Variants in KMT2B observed in about 807,000 individuals in gnomAD.
KMT2B encodes lysine methyltransferase 2B.
KMT2B carries 22 observed loss-of-function variants against 255.3 expected under a neutral mutation model. The ratio of observed to expected loss-of-function variants is 0.09; its 90% CI spans 0.06 to 0.12. The LOEUF (loss-of-function observed/expected upper bound fraction) is 0.12. Ranked by LOEUF, KMT2B falls within the 10% of genes least tolerant of loss-of-function variation. KMT2B has a pLI of 1.00. For missense variants in KMT2B, 3,149 were observed against 3,737.0 expected, an observed-to-expected ratio of 0.84 and a Z score of 4.10; for synonymous variants, 1,730 against 1,498.1, an observed-to-expected ratio of 1.15 and a Z score of -3.57.
rs139199642 is a variant in KMT2B at position 35,722,951 on chromosome 19, G to A, written c.2723-44G>A. On this transcript the variant is annotated intron_variant, in intron 5 of 36. Coordinates refer to ENST00000420124, the MANE Select transcript of KMT2B (RefSeq NM_014727.3). ...AGCAGGGAAGTGAGGTAGAAGCCTG[G>A]TGGCTTTGTGGCTCCATCCCCTCCT... is the stretch of plus-strand genomic sequence containing the variant. The A allele has an allele frequency of 7.2e-5, 107 of 1,492,642 alleles. No homozygotes were observed. The African/African-American group carries it at 1.4e-3, about 20-fold the overall frequency. 92.5% of individuals were successfully genotyped at this position (1,492,642 alleles called of 1,614,324 possible). A position where few individuals can be genotyped will look rare whatever the true frequency, so the allele number is the denominator to read the frequency against.
chr19:35,729,371 A>C (rs1339700431), intron 22 of KMT2B, 75 bp downstream of exon 22: 3 of 1,513,534 alleles, frequency 2.0e-6, no homozygotes, highest in Non-Finnish European at 1.8e-6. Flanking sequence ...AACAGCTCTT[A>C]CTTCACATTC....
chr19:35,724,156 G>A (rs1430381137), intron 8 of KMT2B, 149 bp downstream of exon 8: 2 of 731,774 alleles, frequency 2.7e-6, no homozygotes, highest in Admixed American at 2.9e-5. Flanking sequence ...TTAGGTGGAT[G>A]TACAGAACTG....
chr19:35,727,550 G>A lies in KMT2B; in HGVS notation c.4230G>A (p.Gln1410=), dbSNP rs1705863122. ...GAGAGGCCCTGAGCGGGGCCCTCCA[G>A]GGGGGCCTGCGCCAGGTGCTCCAGG... ...RWREALSGAL[Q]GGLRQVLQGL... Residue 1410 remains glutamine, a synonymous_variant, in exon 16 of 37, where the codon CAG becomes CAA. Coordinates refer to ENST00000420124, the MANE Select transcript of KMT2B (RefSeq NM_014727.3). This position sits in a 1 kb window ranked among gnomAD's most constrained non-coding sequence, Gnocchi z 4.2. 1 of 1,607,048 alleles carries A rather than the reference G, an allele frequency of 6.2e-7. No individual in the cohort carries two copies. The highest frequency in any genetic ancestry group is 8.5e-7 in the Non-Finnish European group (1 of 1,178,722).
Position 35,727,102 on chromosome 19 carries a change from CAG to C in KMT2B, c.4004-53_4004-52del. ...CTGCTAATCCTTGAACAGAGACACT[CAG>C]GGCTGAGTGGGAACTCCAGCACCTC... On this transcript the variant is annotated intron_variant, in intron 14 of 36. Coordinates refer to ENST00000420124, the MANE Select transcript of KMT2B (RefSeq NM_014727.3). This position sits in a 1 kb window ranked among gnomAD's most constrained non-coding sequence, Gnocchi z 4.2. 7.7e-7 allele frequency: 1 copy of C among 1,299,060 alleles called. No individual in the cohort carries two copies. Among genetic ancestry groups the C allele is most frequent in the Non-Finnish European group, 1.1e-6 (1 of 917,750 alleles). 80.5% of individuals were successfully genotyped at this position (1,299,060 alleles called of 1,614,324 possible).
rs376699252 is a variant in KMT2B, at chr19:35,730,428, G to A, written c.5163G>A (p.Thr1721=). Residue 1721 remains threonine, a synonymous_variant, in exon 24 of 37, where the codon ACG becomes ACA. Coordinates refer to ENST00000420124, the MANE Select transcript of KMT2B (RefSeq NM_014727.3). ...TCAACTTCAAGCGGAAGTTCTTGAC[G>A]GGGCTTGAACCCGATGCCATCAACG... ...EGINFKRKFL[T]GLEPDAINVL... 15 of 1,613,684 alleles carry A rather than the reference G, an allele frequency of 9.3e-6. No homozygotes were observed. Among genetic ancestry groups the A allele is most frequent in the South Asian group, 5.5e-5 (5 of 91,088 alleles).
At position 35,732,140 on chromosome 19, in the gene KMT2B, G is replaced by A; in HGVS notation, c.5665+5G>A. ...TTGGCCCCCTGCCCTCCCCTGGTGA[G>A]CACCGGGCATGTGGGGGTTGGGGGT... is the stretch of plus-strand genomic sequence containing the variant. On this transcript the variant is annotated splice_donor_5th_base_variant and intron_variant, in intron 27 of 36. Coordinates refer to ENST00000420124, the MANE Select transcript of KMT2B (RefSeq NM_014727.3). 1 of 1,583,834 alleles carries A rather than the reference G, an allele frequency of 6.3e-7. No homozygotes were observed. The highest frequency in any genetic ancestry group is 1.1e-5 in the South Asian group (1 of 87,472).
rs779531835 is a variant in KMT2B at position 35,725,450 on chromosome 19, C to G, written c.3643-29C>G. 1 of 1,607,710 alleles carries G rather than the reference C, an allele frequency of 6.2e-7. No individual in the cohort carries two copies. Among genetic ancestry groups the G allele is most frequent in the Admixed American group, 1.7e-5 (1 of 59,994 alleles). ...TGGCCCTCTGGCCTCATGCTATGCC[C>G]ATCATTCACTCCTTTACCCTGTCCC... On this transcript the variant is annotated intron_variant, in intron 11 of 36. Coordinates refer to ENST00000420124, the MANE Select transcript of KMT2B (RefSeq NM_014727.3). This position sits in a 1 kb window ranked among gnomAD's most constrained non-coding sequence, Gnocchi z 4.1.
In KMT2B at chr19:35,725,330, C is replaced by G; in HGVS notation, c.3639C>G (p.His1213Gln). 6.4e-7 allele frequency: 1 copy of G among 1,563,202 alleles called. No individual in the cohort carries two copies. The highest frequency in any genetic ancestry group is 8.7e-7 in the Non-Finnish European group (1 of 1,154,550). ...TGCTGTGTGCCAGCAAAGGACTCCA[C>G]GAGGTTAGATCTCTGCCTTTCTTCA... is the stretch of plus-strand genomic sequence containing the variant. Reference protein sequence around the residue: ...VCLLCASKGLHELVFCQVCCD... With the variant: ...VCLLCASKGLQELVFCQVCCD... The change falls in exon 11 of 37, where the codon CAC (histidine) becomes CAG (glutamine). Residue 1213 changes from histidine (H) to glutamine (Q), a missense_variant. Physicochemically the swap from His to Gln is conservative, Grantham distance 24. Transcript: ENST00000420124. The surrounding 1 kb of genome is among the most constrained non-coding windows in gnomAD (Gnocchi z 4.1).
Position 35,733,301 on chromosome 19 carries a change from C to CCCA in KMT2B, c.6752_6753insCCA (p.Pro2251_Ala2252insHis). On this transcript the variant is annotated inframe_insertion, in exon 28 of 37. Transcript: ENST00000420124. The surrounding 1 kb of genome is among the most constrained non-coding windows in gnomAD (Gnocchi z 4.3). Reference sequence around the variant, plus strand: ...CTGCCCGTGGTCGGAGTGGTCCGCCCTGCCCCGCCCCCGCCACCCCCTCCC... The same window carrying CCCA: ...CTGCCCGTGGTCGGAGTGGTCCGCCCCCATGCCCCGCCCCCGCCACCCCCTCCC... 1 of 1,453,812 alleles carries CCCA rather than the reference C, an allele frequency of 6.9e-7. No homozygotes were observed. The highest frequency in any genetic ancestry group is 9.4e-7 in the Non-Finnish European group (1 of 1,062,354). 90.1% of individuals were successfully genotyped at this position (1,453,812 alleles called of 1,614,324 possible). A position where few individuals can be genotyped will look rare whatever the true frequency, so the allele number is the denominator to read the frequency against.
At position 35,719,936 on chromosome 19, in the gene KMT2B, C is replaced by G; in HGVS notation, c.589C>G (p.Leu197Val). ...ERMVQALTEL[L>V]RRAQAPQAPR... ...GATGGTGCAGGCACTGACTGAACTT[C>G]TCCGGCGGGCCCAGGCACCCCAAGC... Residue 197 changes from leucine to valine, a missense_variant, in exon 3 of 37, where the codon CTC becomes GTC. Transcript: ENST00000420124. The G allele has an allele frequency of 6.2e-7, 1 of 1,613,432 alleles. No homozygotes were observed. The highest frequency in any genetic ancestry group is 1.7e-5 in the Admixed American group (1 of 60,018).
chr19:35,725,285 G>A lies in KMT2B; in HGVS notation c.3594G>A (p.Gly1198=), dbSNP rs1482548670. 4 of 1,584,144 alleles carry A rather than the reference G, an allele frequency of 2.5e-6. No homozygotes were observed. Among genetic ancestry groups the A allele is most frequent in the Non-Finnish European group, 2.6e-6 (3 of 1,165,586 alleles). ...TGAGTGTGCTCACCTCTGTGCCAGG[G>A]GGCCCCCCGATGGTGTGCTTGCTGT... is the stretch of plus-strand genomic sequence containing the variant. ...GGLSVLTSVP[G]GPPMVCLLCA... Residue 1198 remains glycine (G), a synonymous_variant, in exon 11 of 37, where the codon GGG becomes GGA. Transcript: ENST00000420124. The surrounding 1 kb of genome is among the most constrained non-coding windows in gnomAD (Gnocchi z 4.1).
At position 35,733,210 on chromosome 19, in the gene KMT2B, CCCCCCACCATTT is replaced by C. The variant is rs1969784142; in HGVS notation, c.6669_6680del (p.Ile2224_Thr2227del). Reference sequence around the variant, plus strand: ...ACCCCCAGTGAAGCAGCCACCTTTGCCCCCCACCATTTCCCCCACGGCTCCCACCTCCTGGAC... The same window carrying C: ...ACCCCCAGTGAAGCAGCCACCTTTGCCCCCCACGGCTCCCACCTCCTGGAC... On this transcript the variant is annotated inframe_deletion, in exon 28 of 37. Coordinates refer to ENST00000420124, the MANE Select transcript of KMT2B (RefSeq NM_014727.3). This position sits in a 1 kb window ranked among gnomAD's most constrained non-coding sequence, Gnocchi z 4.3. 3.1e-6 allele frequency: 4 copies of C among 1,288,370 alleles called. No individual in the cohort carries two copies. The highest frequency in any genetic ancestry group is 4.2e-6 in the Non-Finnish European group (4 of 950,990). The allele number at this position is 1,288,370 out of a possible 1,614,324, so 79.8% of individuals were successfully genotyped here. A position where few individuals can be genotyped will look rare whatever the true frequency, so the allele number is the denominator to read the frequency against.
intron 8 of KMT2B, 35 bp from the exon 9 acceptor site, chr19:35,724,602 G>C (rs1260773850): frequency 1.3e-6 from 2 of 1,528,860 alleles, no homozygotes; most frequent in Admixed American, 3.8e-5. Flanking sequence ...GGCGTGGAAG[G>C]GGAGTGACCT....
chr19:35,736,332 C>A, intron 30 of KMT2B: 1 of 208,734 alleles, frequency 4.8e-6, no homozygotes, highest in East Asian at 1.1e-4. Context: ...TACAATTCTC[C>A]AGTATTTTAA....
intron 4 of KMT2B, 33 bp downstream of exon 4, chr19:35,722,505 T>G: frequency 6.2e-7 from 1 of 1,600,434 alleles, no homozygotes; most frequent in Non-Finnish European, 8.5e-7. Flanking sequence ...TGAAGAAGAC[T>G]GGCGGGAGGA....
At position 35,725,142 on chromosome 19, in the gene KMT2B, A is replaced by G. The variant is rs11672164; in HGVS notation, c.3528+55A>G. 230,172 of 1,571,568 alleles carry G rather than the reference A, an allele frequency of 0.15. 18,096 individuals are homozygous for G. The highest frequency in any genetic ancestry group is 0.26 in the South Asian group (23,728 of 90,206). On this transcript the variant is annotated intron_variant, in intron 10 of 36. Coordinates refer to ENST00000420124, the MANE Select transcript of KMT2B (RefSeq NM_014727.3). The surrounding 1 kb of genome is among the most constrained non-coding windows in gnomAD (Gnocchi z 4.1). ...GCCTCTGGTTGGAAGAACCTCGATGACTGTGTCATCGAGAAGCCAGGTGGG... is the reference window on the plus strand; with the variant it reads ...GCCTCTGGTTGGAAGAACCTCGATGGCTGTGTCATCGAGAAGCCAGGTGGG...
At chr19:35,729,845 G>T in intron 22 of KMT2B, 122 bp from the exon 23 acceptor site, 1 of 945,640 alleles carries the variant, frequency 1.1e-6, no homozygotes, top group Non-Finnish European at 1.6e-6. Flanking sequence ...GGGAGAGGCT[G>T]CGCCTAGGGA....
In KMT2B at chr19:35,725,802, G is replaced by T; in HGVS notation, c.3869G>T (p.Arg1290Leu). 6.3e-7 allele frequency: 1 copy of T among 1,581,256 alleles called. No individual in the cohort carries two copies. The highest frequency in any genetic ancestry group is 1.3e-5 in the African/African-American group (1 of 74,140). The change falls in exon 13 of 37, where the codon CGC (arginine) becomes CTC (leucine). Residue 1290 changes from arginine to leucine, a missense_variant. Transcript: ENST00000420124. This position sits in a 1 kb window ranked among gnomAD's most constrained non-coding sequence, Gnocchi z 4.1. Reference sequence around the variant, plus strand: ...CCCAGCTATCCAACCCGGGCCACGCGCAAACGGCGCCACTGGGTGAGAGAT... The same window carrying T: ...CCCAGCTATCCAACCCGGGCCACGCTCAAACGGCGCCACTGGGTGAGAGAT... Reference protein sequence around the residue: ...LGPSYPTRATRKRRHWICSAC... With the variant: ...LGPSYPTRATLKRRHWICSAC...
In KMT2B at chr19:35,725,409, G is replaced by T; in HGVS notation, c.3643-70G>T. 1.3e-6 allele frequency: 2 copies of T among 1,587,798 alleles called. No homozygotes were observed. The highest frequency in any genetic ancestry group is 8.6e-7 in the Non-Finnish European group (1 of 1,166,404). On this transcript the variant is annotated intron_variant, in intron 11 of 36. Coordinates refer to ENST00000420124, the MANE Select transcript of KMT2B (RefSeq NM_014727.3). The surrounding 1 kb of genome is among the most constrained non-coding windows in gnomAD (Gnocchi z 4.1). ...CGGCCTGATTCCTTGGGCCCTCTCA[G>T]CTGGGTCTCATCCCTTGGCCCTCTG... is the stretch of plus-strand genomic sequence containing the variant.
Sources: gnomAD v4.1 joint callset for allele counts on GRCh38, gnomAD v4.1.1 for gene constraint, Gnocchi (gnomAD v3.1) non-coding constraint, MANE v1.5 for transcripts, NCBI Gene and HGNC (gene_info 2026-07-23, HGNC 2026-07-21) for gene names.